Variants in EPB41L4B observed in about 807,000 individuals in gnomAD.
EPB41L4B encodes the protein band 4.1-like protein 4B.
In EPB41L4B, 30 loss-of-function variants were observed where a neutral mutation model predicts 112.5. The observed-to-expected ratio is 0.27, with a 90% CI of 0.20 to 0.36. The LOEUF is 0.36. Among genes scored for constraint, EPB41L4B ranks in the 10% least tolerant of loss-of-function variants. The pLI, the probability that EPB41L4B is intolerant of heterozygous loss-of-function variation, is 1.00. For missense variants in EPB41L4B, 1,024 were observed against 1,133.3 expected, an observed-to-expected ratio of 0.90 and a Z score of 1.38; for synonymous variants, 408 against 439.7, an observed-to-expected ratio of 0.93 and a Z score of 0.90.
At chr9:109,203,630 A>G (rs1464501325) in intron 19 of EPB41L4B, 33 bp downstream of exon 19, 1 of 1,522,174 alleles carries the variant, frequency 6.6e-7, no homozygotes, top group Non-Finnish European at 9.1e-7. Context: ...TACAGAGAAT[A>G]TCATTTCCCC....
intron 1 of EPB41L4B, among the ~76,000 whole-genome samples, chr9:109,294,633 T>C (rs1836663945): frequency 1.3e-5 from 2 of 151,292 alleles, no homozygotes; most frequent in Admixed American, 6.6e-5. Flanking sequence ...TCAAAAAAAA[T>C]AATAATTGTT....
chr9:109,291,524 G>T (rs185747073), intron 1 of EPB41L4B, among the ~76,000 whole-genome samples: 1 of 152,170 alleles, frequency 6.6e-6, no homozygotes, highest in Non-Finnish European at 1.5e-5. Context: ...GAGAAGGGAC[G>T]TCAACAGTCT....
chr9:109,290,369 CTT>C (rs1418542242), intron 1 of EPB41L4B, among the ~76,000 whole-genome samples: 3 of 152,130 alleles, frequency 2.0e-5, no homozygotes, highest in African/African-American at 7.2e-5. Context: ...ATGGTGTGCT[CTT>C]TGTCAGATGC....
intron 21 of EPB41L4B, among the ~76,000 whole-genome samples, chr9:109,193,656 T>C (rs143808221): frequency 3.9e-5 from 6 of 152,324 alleles, no homozygotes; most frequent in East Asian, 1.9e-4. Context: ...TTTGGACCAA[T>C]TGCCAAAGAG....
At chr9:109,299,218 A>C (rs1588224853) in intron 1 of EPB41L4B, among the ~76,000 whole-genome samples, 1 of 152,208 alleles carries the variant, frequency 6.6e-6, no homozygotes, top group East Asian at 1.9e-4. Context: ...GTGATTACTT[A>C]CTTATTTATT....
Position 109,233,161 on chromosome 9 carries a change from C to T in EPB41L4B, c.1409+10457G>A, listed in dbSNP as rs535178749. 2.0e-5 allele frequency among the ~76,000 whole-genome samples: 3 copies of T among 152,256 alleles called. No individual in the cohort carries two copies. The East Asian group carries it at 5.8e-4, about 29-fold the overall frequency. On this transcript the variant is annotated intron_variant, in intron 15 of 25. Coordinates refer to ENST00000374566, the MANE Select transcript of EPB41L4B (RefSeq NM_019114.5). ...GGATGTTCCTCTAATTATTCTAATC[C>T]TTTTTTAGTGGATGGCCTAGACTAC...
rs770613332 is a variant in EPB41L4B, at chr9:109,203,719, C to T, written c.1890G>A (p.Glu630=). ...TATTGATATTTACAAACGGTGATTC[C>T]TCCTTTCCACCCTGTTAAAGAAAGC... is the stretch of plus-strand genomic sequence containing the variant. The part of the protein sequence containing the change: ...ASRVNIQGGK[E]ESPFVNINKK... Residue 630 remains glutamate, a synonymous_variant, in exon 19 of 26, where the codon GAG becomes GAA. Transcript: ENST00000374566. The T allele has an allele frequency of 3.1e-6, 5 of 1,613,676 alleles. No homozygotes were observed. In the African/African-American group the frequency reaches 5.3e-5, roughly 17 times the overall value.
chr9:109,247,488 A>T (rs1834603117), intron 14 of EPB41L4B, among the ~76,000 whole-genome samples: 1 of 152,158 alleles, frequency 6.6e-6, no homozygotes, highest in African/African-American at 2.4e-5. Flanking sequence ...CAGAAACTTA[A>T]ACATATGTCC....
chr9:109,219,268 T>C (rs544854287), intron 15 of EPB41L4B, among the ~76,000 whole-genome samples: 6 of 152,360 alleles, frequency 3.9e-5, no homozygotes, highest in African/African-American at 1.4e-4. Flanking sequence ...ATTTAACACA[T>C]GAAAACTGAA....
intron 22 of EPB41L4B, among the ~76,000 whole-genome samples, chr9:109,186,264 T>C (rs1416682364): frequency 6.6e-6 from 1 of 151,570 alleles, no homozygotes; most frequent in Non-Finnish European, 1.5e-5. Context: ...CTCAGCTCAC[T>C]GCAACCTTTG....
chr9:109,215,895 C>A (rs996624456), intron 16 of EPB41L4B, among the ~76,000 whole-genome samples: 2 of 152,008 alleles, frequency 1.3e-5, no homozygotes, highest in Non-Finnish European at 2.9e-5. Context: ...GAGGCTGAAG[C>A]AGGAGTGTTG....
chr9:109,255,553 T>A lies in EPB41L4B; in HGVS notation c.1127A>T (p.Asn376Ile). The change falls in exon 11 of 26, where the codon AAT becomes ATT. Residue 376 changes from asparagine (N) to isoleucine (I), a missense_variant. Coordinates refer to ENST00000374566, the MANE Select transcript of EPB41L4B (RefSeq NM_019114.5). Reference sequence around the variant, plus strand: ...GCCCAGCCTGATAAAGTCGGATCTATTGGATTTGCTGTTTCCTGGCGTCCG... The same window carrying A: ...GCCCAGCCTGATAAAGTCGGATCTAATGGATTTGCTGTTTCCTGGCGTCCG... ...RLRTPGNSKS[N>I]RSDFIRLGSR... is the part of the protein sequence containing the mutation. The A allele has an allele frequency of 6.2e-7, 1 of 1,614,224 alleles. No homozygotes were observed. The highest frequency in any genetic ancestry group is 8.5e-7 in the Non-Finnish European group (1 of 1,180,040).
intron 1 of EPB41L4B, among the ~76,000 whole-genome samples, chr9:109,319,478 C>A (rs1837759388): frequency 6.6e-6 from 1 of 152,220 alleles, no homozygotes; most frequent in Non-Finnish European, 1.5e-5. Flanking sequence ...TCTGAGACAG[C>A]CGACTCTAGA....
At chr9:109,277,747 C>G (rs1443346004) in intron 2 of EPB41L4B, among the ~76,000 whole-genome samples, 3 of 151,978 alleles carry the variant, frequency 2.0e-5, no homozygotes, top group Non-Finnish European at 2.9e-5. Context: ...CTGGCTGGGG[C>G]TGGGAGGAAG....
In EPB41L4B at chr9:109,176,695, G is replaced by A; in HGVS notation, c.2489C>T (p.Ala830Val). ...CTGTAATTTACTGTCTCTGAAGTCTGCCTGGAGAAGAAACAGGAAAGAGGA... is the reference window on the plus strand; with the variant it reads ...CTGTAATTTACTGTCTCTGAAGTCTACCTGGAGAAGAAACAGGAAAGAGGA... ...DTFTTGPQFT[A>V]DFRDSKLQCC... Residue 830 changes from alanine (A) to valine (V), a missense_variant and splice_region_variant, in exon 25 of 26, where the codon GCA (alanine) becomes GTA (valine). By Grantham distance (64) the Ala-to-Val change is moderately conservative. Transcript: ENST00000374566. 6.2e-7 allele frequency: 1 copy of A among 1,612,254 alleles called. No homozygotes were observed. Among genetic ancestry groups the A allele is most frequent in the Non-Finnish European group, 8.5e-7 (1 of 1,179,496 alleles).
At chr9:109,240,371 T>C (rs1249324889) in intron 15 of EPB41L4B, 3 of 985,330 alleles carry the variant, frequency 3.0e-6, no homozygotes, top group African/African-American at 1.7e-5. Context: ...ACCTTCTTGC[T>C]GAATAGATTT....
intron 2 of EPB41L4B, among the ~76,000 whole-genome samples, chr9:109,277,819 C>A (rs1415109870): frequency 6.6e-6 from 1 of 151,972 alleles, no homozygotes; most frequent in East Asian, 1.9e-4. Context: ...TGGGCCAAGC[C>A]CAGAGGGAGG....
chr9:109,245,035 G>A (rs752290711), intron 14 of EPB41L4B, among the ~76,000 whole-genome samples: 1 of 152,146 alleles, frequency 6.6e-6, no homozygotes, highest in African/African-American at 2.4e-5. Context: ...TGCAGCCCCC[G>A]GAAGGACATG....
chr9:109,258,529 A>G (rs1406487054), intron 6 of EPB41L4B, among the ~76,000 whole-genome samples: 1 of 152,168 alleles, frequency 6.6e-6, no homozygotes, highest in South Asian at 2.1e-4. Context: ...CATCCTAGTT[A>G]TTACTGTCTT....
Sources: gnomAD v4.1 joint callset for allele counts (sites outside exome capture counted in the v4.1 genomes callset) on GRCh38, gnomAD v4.1.1 for gene constraint, MANE v1.5 for transcripts, NCBI Gene and HGNC (gene_info 2026-07-23, HGNC 2026-07-21) for gene names.